The following B4GALNT4 variants were observed in gnomAD, a reference collection of about 807,000 sequenced individuals.
The protein encoded by B4GALNT4 is N-acetyl-beta-glucosaminyl-glycoprotein 4-beta-N-acetylgalactosaminyltransferase 1.
A neutral mutation model predicts 110.0 loss-of-function variants in B4GALNT4; 77 were observed. The observed-to-expected ratio is 0.70, with a 90% CI of 0.58 to 0.85. The LOEUF (loss-of-function observed/expected upper bound fraction) is 0.85, where lower values mean the gene tolerates loss of function less well. B4GALNT4 is among the 40% of genes least tolerant of loss of function. The pLI is 0.00. For missense variants in B4GALNT4, 1,575 were observed against 1,506.0 expected (o/e 1.05, Z -0.76); for synonymous variants, 785 against 655.5 (o/e 1.20, Z -3.02).
In B4GALNT4 at chr11:381,788, C is replaced by T; in HGVS notation, c.3116C>T (p.Ser1039Phe). 1 of 1,578,134 alleles carries T rather than the reference C, an allele frequency of 6.3e-7. No individual in the cohort carries two copies. The highest frequency in any genetic ancestry group is 8.6e-7 in the Non-Finnish European group (1 of 1,165,992). The change falls in exon 20 of 20, where the codon TCT becomes TTT. Residue 1039 changes from serine to phenylalanine, a missense_variant. Transcript: ENST00000329962. ...AGGAAGGGCTCTCGCACGGGGGCGT[C>T]TTGAGGACGGGCAGCCCCTCCCAGC... ...RSRKGSRTGA[S>F]
chr11:378,290 G>A (rs1846802136), intron 14 of B4GALNT4, among the ~76,000 whole-genome samples: 1 of 152,210 alleles, frequency 6.6e-6, no homozygotes, highest in South Asian at 2.1e-4. Context: ...GAGGGGAAGG[G>A]AAGGTGGTGG....
rs1846575895 is a variant in B4GALNT4 at position 369,778 on chromosome 11, G to C, written c.-26G>C. ...GGGCTGCAGCGGCGCCGCTGAGCGC[G>C]GCCTGGGGCGGGCGCGGCGGCCGCG... On this transcript the variant is annotated 5_prime_UTR_variant, in exon 1 of 20. Coordinates refer to ENST00000329962, the MANE Select transcript of B4GALNT4 (RefSeq NM_178537.5). 1.2e-5 allele frequency: 12 copies of C among 974,902 alleles called. No individual in the cohort carries two copies. The highest frequency in any genetic ancestry group is 5.4e-5 in the African/African-American group (3 of 55,868). The allele number at this position is 974,902 out of a possible 1,614,324, so 60.4% of individuals were successfully genotyped here.
intron 18 of B4GALNT4, 156 bp downstream of exon 18, chr11:380,601 C>G: frequency 7.8e-7 from 1 of 1,282,674 alleles, no homozygotes; most frequent in Non-Finnish European, 1.1e-6. Flanking sequence ...CCCGCACCAG[C>G]ACACCCAGGG....
At position 372,760 on chromosome 11, in the gene B4GALNT4, C is replaced by G. The variant is rs768444303; in HGVS notation, c.348+6C>G. 18 of 1,390,216 alleles carry G rather than the reference C, an allele frequency of 1.3e-5. No individual in the cohort carries two copies. The highest frequency in any genetic ancestry group is 1.7e-5 in the Non-Finnish European group (18 of 1,045,622). 86.1% of individuals were successfully genotyped at this position (1,390,216 alleles called of 1,614,324 possible). A position where few individuals can be genotyped will look rare whatever the true frequency, so the allele number is the denominator to read the frequency against. ...CACCCCCATGGCGGGAGGAGGTGAG[C>G]TGGCTCGGCCTGTAATGGGCTGGGA... On this transcript the variant is annotated splice_donor_region_variant and intron_variant, in intron 3 of 19. Transcript: ENST00000329962.
rs758985466 is a variant in B4GALNT4, at chr11:373,417, C to CA, written c.637-32_637-31insA. ...CCCAGGGAGAGAGTGAACCCCCCCC[C>CA]CCACCACCACCCCTGCTCTATCACC... On this transcript the variant is annotated intron_variant, in intron 6 of 19. Transcript: ENST00000329962. The CA allele has an allele frequency of 1.3e-4, 163 of 1,225,650 alleles. 16 individuals carry two copies. In the African/African-American group the frequency reaches 2.4e-3, roughly 18 times the overall value. 75.9% of individuals were successfully genotyped at this position (1,225,650 alleles called of 1,614,324 possible).
chr11:381,202 C>T (rs1846868724), intron 19 of B4GALNT4: 1 of 933,422 alleles, frequency 1.1e-6, no homozygotes, highest in Non-Finnish European at 1.3e-6. Context: ...ATCCCATAGG[C>T]CCTGGGTGGC....
At chr11:375,372 A>T in intron 8 of B4GALNT4, 89 bp from the exon 9 acceptor site, 2 of 1,336,666 alleles carry the variant, frequency 1.5e-6, no homozygotes, top group Non-Finnish European at 2.1e-6. Context: ...TGGTCCTATT[A>T]GTCCCCCGGC....
chr11:381,801 A>G lies in B4GALNT4; in HGVS notation c.*9A>G. The G allele has an allele frequency of 6.4e-7, 1 of 1,562,510 alleles. No homozygotes were observed. ...GCACGGGGGCGTCTTGAGGACGGGCAGCCCCTCCCAGCCCCGGTGGGAGTC... is the reference window on the plus strand; with the variant it reads ...GCACGGGGGCGTCTTGAGGACGGGCGGCCCCTCCCAGCCCCGGTGGGAGTC... On this transcript the variant is annotated 3_prime_UTR_variant, in exon 20 of 20. Coordinates refer to ENST00000329962, the MANE Select transcript of B4GALNT4 (RefSeq NM_178537.5).
At position 376,766 on chromosome 11, in the gene B4GALNT4, C is replaced by G; in HGVS notation, c.1643C>G (p.Pro548Arg). 1 of 1,386,062 alleles carries G rather than the reference C, an allele frequency of 7.2e-7. No individual in the cohort carries two copies. The highest frequency in any genetic ancestry group is 9.3e-7 in the Non-Finnish European group (1 of 1,073,576). 85.9% of individuals were successfully genotyped at this position (1,386,062 alleles called of 1,614,324 possible). The change falls in exon 14 of 20, where the codon CCG becomes CGG. Residue 548 changes from proline (P) to arginine (R), a missense_variant. Pro to Arg is a moderately radical substitution (Grantham distance 103). Coordinates refer to ENST00000329962, the MANE Select transcript of B4GALNT4 (RefSeq NM_178537.5). ...GCCCCAGCGCCGCGTGCGCCCTGGC[C>G]GCCCTTCCCTGGCGTCTTCCTGCAC... is the stretch of plus-strand genomic sequence containing the variant. ...PRAPAPRAPW[P>R]PFPGVFLHPR...
intron 18 of B4GALNT4, 23 bp from the exon 19 acceptor site, chr11:380,802 C>T (rs1846860630): frequency 6.2e-7 from 1 of 1,613,528 alleles, no homozygotes; most frequent in African/African-American, 1.3e-5. Flanking sequence ...TGAAGGGTAG[C>T]ACCCCTCACC....
Position 380,434 on chromosome 11 carries a change from G to C in B4GALNT4, c.2858G>C (p.Arg953Pro), listed in dbSNP as rs1369692089. The C allele has an allele frequency of 1.0e-5, 16 of 1,601,546 alleles. No homozygotes were observed. Among genetic ancestry groups the C allele is most frequent in the African/African-American group, 1.3e-5 (1 of 74,490 alleles). The change falls in exon 18 of 20, where the codon CGG becomes CCG. Residue 953 changes from arginine to proline, a missense_variant. By Grantham distance (103) the Arg-to-Pro change is moderately radical (BLOSUM62 -2). Transcript: ENST00000329962. ...CGCCTGAGCTGCGGGAGCTCGCCCC[G>C]GGACCCCCACGGTGAGGCCCCGAGC... ...VMRLSCGSSP[R>P]DPHGYWEVNG...
chr11:377,197 G>A lies in B4GALNT4; in HGVS notation c.2074G>A (p.Asp692Asn). ...WQRTFSVGAVDFELLRSDWND... is the reference protein window; with the variant it reads ...WQRTFSVGAVNFELLRSDWND... ...GCGCACGTTCAGCGTGGGCGCCGTG[G>A]ACTTCGAGCTGCTGCGCTCGGACTG... Residue 692 changes from aspartate to asparagine, a missense_variant, in exon 14 of 20, where the codon GAC becomes AAC. Coordinates refer to ENST00000329962, the MANE Select transcript of B4GALNT4 (RefSeq NM_178537.5). 1 of 1,590,590 alleles carries A rather than the reference G, an allele frequency of 6.3e-7. No homozygotes were observed. Among genetic ancestry groups the A allele is most frequent in the Non-Finnish European group, 8.5e-7 (1 of 1,169,850 alleles).
Position 379,505 on chromosome 11 carries a change from G to T in B4GALNT4, c.2292G>T (p.Gln764His). The T allele has an allele frequency of 6.3e-7, 1 of 1,575,408 alleles. No homozygotes were observed. The highest frequency in any genetic ancestry group is 1.4e-5 in the African/African-American group (1 of 73,688). ...GSRFLLELELQERGGGRLRLS... is the reference protein window; with the variant it reads ...GSRFLLELELHERGGGRLRLS... ...GCTTCCTGCTGGAGCTGGAGCTGCA[G>T]GAGCGCGGGGGCGGCCGCCTGCGAC... Residue 764 changes from glutamine to histidine, a missense_variant, in exon 15 of 20, where the codon CAG becomes CAT. Gln to His is a conservative substitution (Grantham distance 24). Coordinates refer to ENST00000329962, the MANE Select transcript of B4GALNT4 (RefSeq NM_178537.5).
At chr11:379,803 G>T in intron 15 of B4GALNT4, 63 bp from the exon 16 acceptor site, 1 of 1,526,686 alleles carries the variant, frequency 6.6e-7, no homozygotes. Flanking sequence ...GTTCTTCGGA[G>T]CTGGGAGGCC....
chr11:379,549 T>C lies in B4GALNT4; in HGVS notation c.2336T>C (p.Leu779Pro). 1 of 1,587,134 alleles carries C rather than the reference T, an allele frequency of 6.3e-7. No individual in the cohort carries two copies. ...GRLRLSEYVF[L>P]RLPGARVGDA... ...CTGCGACTGTCCGAGTACGTCTTCCTGCGGCTGCCGGGAGCCCGCGTAGGG... is the reference window on the plus strand; with the variant it reads ...CTGCGACTGTCCGAGTACGTCTTCCCGCGGCTGCCGGGAGCCCGCGTAGGG... The change falls in exon 15 of 20, where the codon CTG becomes CCG. Residue 779 changes from leucine to proline, a missense_variant. Leu to Pro is a moderately conservative substitution (Grantham distance 98, BLOSUM62 -3). Transcript: ENST00000329962.
intron 15 of B4GALNT4, 60 bp from the exon 16 acceptor site, chr11:379,806 G>A: frequency 6.5e-7 from 1 of 1,530,332 alleles, no homozygotes; most frequent in Non-Finnish European, 8.8e-7. Context: ...CTTCGGAGCT[G>A]GGAGGCCCCA....
chr11:376,485 G>A lies in B4GALNT4; in HGVS notation c.1362G>A (p.Pro454=), dbSNP rs1209255804. Residue 454 remains proline, a synonymous_variant, in exon 14 of 20, where the codon CCG becomes CCA. Transcript: ENST00000329962. ...LDSLEPTEAA[P]PRSGPQSPAP... ...GCCTGGAGCCCACCGAGGCGGCCCC[G>A]CCCAGGAGCGGCCCCCAGTCCCCCG... 1 of 1,577,620 alleles carries A rather than the reference G, an allele frequency of 6.3e-7. No individual in the cohort carries two copies. The highest frequency in any genetic ancestry group is 8.5e-7 in the Non-Finnish European group (1 of 1,170,468).
At position 381,775 on chromosome 11, in the gene B4GALNT4, C is replaced by G; in HGVS notation, c.3103C>G (p.Arg1035Gly). Reference sequence around the variant, plus strand: ...GAGCGTCCGCAGCAGGAAGGGCTCTCGCACGGGGGCGTCTTGAGGACGGGC... The same window carrying G: ...GAGCGTCCGCAGCAGGAAGGGCTCTGGCACGGGGGCGTCTTGAGGACGGGC... ...MWSVRSRKGS[R>G]TGAS Residue 1035 changes from arginine to glycine, a missense_variant, in exon 20 of 20, where the codon CGC becomes GGC. Coordinates refer to ENST00000329962, the MANE Select transcript of B4GALNT4 (RefSeq NM_178537.5). 6.3e-7 allele frequency: 1 copy of G among 1,580,100 alleles called. No individual in the cohort carries two copies. Among genetic ancestry groups the G allele is most frequent in the Middle Eastern group, 1.7e-4 (1 of 5,946 alleles).
chr11:376,061 C>T lies in B4GALNT4; in HGVS notation c.1096-13C>T, dbSNP rs1196809919. 3.1e-6 allele frequency: 5 copies of T among 1,602,172 alleles called. No homozygotes were observed. Among genetic ancestry groups the T allele is most frequent in the Admixed American group, 3.3e-5 (2 of 59,860 alleles). ...GGTCCGCGCCCTGAGCCCTGCGCCC[C>T]CCCACCCCCCAGGTGTACCTGTCCT... On this transcript the variant is annotated splice_polypyrimidine_tract_variant and intron_variant, in intron 11 of 19. Transcript: ENST00000329962.
Sources: gnomAD v4.1 joint callset for allele counts (sites outside exome capture counted in the v4.1 genomes callset) on GRCh38, gnomAD v4.1.1 for gene constraint, MANE v1.5 for transcripts, NCBI Gene and HGNC (gene_info 2026-07-23, HGNC 2026-07-21) for gene names.